Variants in CFAP299 observed in about 807,000 individuals in gnomAD.
CFAP299 encodes cilia and flagella associated protein 299.
CFAP299 carries 21 observed loss-of-function variants against 27.0 expected under a neutral mutation model. The observed-to-expected ratio is 0.78, with a 90% confidence interval of 0.55 to 1.12. The LOEUF (loss-of-function observed/expected upper bound fraction) is 1.12, where lower values mean the gene tolerates loss of function less well. CFAP299 is among the 50% of genes most tolerant of loss of function. The pLI, the probability that CFAP299 is intolerant of heterozygous loss-of-function variation, is 0.00. For missense variants in CFAP299, 310 were observed against 276.6 expected (o/e 1.12, Z -0.86); for synonymous variants, 104 against 98.1 (o/e 1.06, Z -0.36).
chr4:80,367,066 T>C (rs1723871027), intron 2 of CFAP299, among the ~76,000 whole-genome samples: 1 of 152,172 alleles, frequency 6.6e-6, no homozygotes, highest in Non-Finnish European at 1.5e-5. Flanking sequence ...GATTGGACAA[T>C]GACTGCTAAT....
Position 80,814,118 on chromosome 4 carries a change from T to A in CFAP299, c.334-55875T>A, listed in dbSNP as rs141052553. On this transcript the variant is annotated intron_variant, in intron 3 of 5. Transcript: ENST00000358105. ...ATAATTTTTCTTCTTATGTCCTCCA[T>A]CATTACTCTTTCCCAAAGCTCTAAG... 2.4e-3 allele frequency among the ~76,000 whole-genome samples: 362 copies of A among 149,584 alleles called. 2 individuals carry two copies. The highest frequency in any genetic ancestry group is 8.8e-3 in the African/African-American group (351 of 39,950).
At chr4:80,682,310 A>T (rs559176046) in intron 3 of CFAP299, among the ~76,000 whole-genome samples, 1 of 152,172 alleles carries the variant, frequency 6.6e-6, no homozygotes, top group African/African-American at 2.4e-5. Context: ...CCTTTGGGGA[A>T]GGGAGCTGTG....
intron 2 of CFAP299, among the ~76,000 whole-genome samples, chr4:80,363,662 T>C (rs937670208): frequency 1.3e-5 from 2 of 152,208 alleles, no homozygotes; most frequent in Non-Finnish European, 2.9e-5. Flanking sequence ...GAATATGCAA[T>C]TAGAAGTGGC....
chr4:80,366,897 C>T (rs1267579167), intron 2 of CFAP299, among the ~76,000 whole-genome samples: 2 of 152,034 alleles, frequency 1.3e-5, no homozygotes, highest in Non-Finnish European at 2.9e-5. Flanking sequence ...AGTAGTGTTA[C>T]ATGCAACAAC....
intron 3 of CFAP299, among the ~76,000 whole-genome samples, chr4:80,735,647 G>A (rs1723814434): frequency 6.6e-6 from 1 of 151,912 alleles, no homozygotes; most frequent in African/African-American, 2.4e-5. Context: ...TTTCATGAAG[G>A]GATGTTCAAC....
At chr4:80,880,401 A>G (rs975393321) in intron 4 of CFAP299, among the ~76,000 whole-genome samples, 5 of 152,178 alleles carry the variant, frequency 3.3e-5, no homozygotes, top group African/African-American at 9.7e-5. Context: ...CAGTATTAGT[A>G]CCAAAATATT....
chr4:80,956,527 G>A (rs1441117921), intron 5 of CFAP299, among the ~76,000 whole-genome samples: 1 of 151,984 alleles, frequency 6.6e-6, no homozygotes, highest in Non-Finnish European at 1.5e-5. Flanking sequence ...AGAAGTCCTG[G>A]GCTCATATGA....
intron 2 of CFAP299, among the ~76,000 whole-genome samples, chr4:80,546,134 G>A (rs901741851): frequency 4.6e-5 from 7 of 152,078 alleles, no homozygotes; most frequent in East Asian, 1.9e-4. Context: ...GCCCACAGCC[G>A]GTGTCACACT....
intron 2 of CFAP299, among the ~76,000 whole-genome samples, chr4:80,489,541 A>G (rs1731008267): frequency 6.6e-6 from 1 of 152,228 alleles, no homozygotes; most frequent in Non-Finnish European, 1.5e-5. Flanking sequence ...GCTACATCAA[A>G]GAGTGCCTAG....
chr4:80,646,323 C>A (rs1043325823), intron 3 of CFAP299, among the ~76,000 whole-genome samples: 2 of 152,134 alleles, frequency 1.3e-5, no homozygotes, highest in Admixed American at 6.6e-5. Context: ...CCTGGAAATT[C>A]TTTTGCTGTG....
chr4:80,836,429 A>T (rs1484178748), intron 3 of CFAP299, among the ~76,000 whole-genome samples: 1 of 152,156 alleles, frequency 6.6e-6, no homozygotes, highest in Non-Finnish European at 1.5e-5. Flanking sequence ...TCTGGAAGGA[A>T]TCATTTTTTT....
At chr4:80,944,064 CAATAAATAAATAAATA>C (rs199854313) in intron 4 of CFAP299, among the ~76,000 whole-genome samples, 212 of 144,468 alleles carry the variant, frequency 1.5e-3, no homozygotes, top group African/African-American at 4.6e-3. Flanking sequence ...GACTCCATCT[CAATAAATAAATAAATA>C]AATAAATAAA....
chr4:80,856,844 T>G (rs1037548185), intron 3 of CFAP299, among the ~76,000 whole-genome samples: 1 of 152,064 alleles, frequency 6.6e-6, no homozygotes, highest in African/African-American at 2.4e-5. Flanking sequence ...GCGTGATGCC[T>G]CCAGCTTTGT....
intron 2 of CFAP299, among the ~76,000 whole-genome samples, chr4:80,440,199 C>G (rs1427958075): frequency 6.6e-6 from 1 of 152,190 alleles, no homozygotes; most frequent in African/African-American, 2.4e-5. Context: ...TGCTTGAGCT[C>G]TGCTAAGGGA....
chr4:80,331,470 T>C (rs1479845482), upstream of CFAP299, among the ~76,000 whole-genome samples: 1 of 152,184 alleles, frequency 6.6e-6, no homozygotes, highest in Non-Finnish European at 1.5e-5. Context: ...AAGATTATAT[T>C]CTTGGAGTTT....
chr4:80,929,283 A>G (rs1736459691), intron 4 of CFAP299, among the ~76,000 whole-genome samples: 1 of 151,856 alleles, frequency 6.6e-6, no homozygotes, highest in African/African-American at 2.4e-5. Flanking sequence ...GGTCTCTGGC[A>G]CCACTACCCA....
intron 3 of CFAP299, among the ~76,000 whole-genome samples, chr4:80,774,988 T>C (rs894296040): frequency 5.3e-5 from 8 of 151,738 alleles, no homozygotes; most frequent in African/African-American, 1.9e-4. Flanking sequence ...CGCACCAGCA[T>C]GGCATATGTA....
intron 2 of CFAP299, among the ~76,000 whole-genome samples, chr4:80,367,719 A>T (rs1007762790): frequency 3.3e-5 from 5 of 152,242 alleles, no homozygotes; most frequent in African/African-American, 1.2e-4. Flanking sequence ...CACTGGTTAT[A>T]GTAGCCATAA....
chr4:80,914,368 G>T (rs1735638690), intron 4 of CFAP299, among the ~76,000 whole-genome samples: 1 of 151,858 alleles, frequency 6.6e-6, no homozygotes, highest in Admixed American at 6.6e-5. Context: ...AGCTATTCTG[G>T]TGTGTGTGTA....
Sources: gnomAD v4.1 joint callset for allele counts (sites outside exome capture counted in the v4.1 genomes callset) on GRCh38, gnomAD v4.1.1 for gene constraint, MANE v1.5 for transcripts, NCBI Gene and HGNC (gene_info 2026-07-23, HGNC 2026-07-21) for gene names.